The following NSD1 variants were observed in gnomAD, a reference collection of about 807,000 sequenced individuals.
NSD1 encodes the protein nuclear receptor binding SET domain protein 1.
A neutral mutation model predicts 242.7 loss-of-function variants in NSD1; 26 were observed. The observed-to-expected ratio is 0.11, with a 90% CI of 0.08 to 0.15. The LOEUF (loss-of-function observed/expected upper bound fraction) is 0.15. NSD1 is among the 10% of genes least tolerant of loss of function. The pLI, the probability that NSD1 is intolerant of heterozygous loss-of-function variation, is 1.00. For missense variants in NSD1, 2,495 were observed against 3,272.8 expected (o/e 0.76, Z 5.80); for synonymous variants, 1,106 against 1,178.1 (o/e 0.94, Z 1.25).
Position 177,135,919 on chromosome 5 carries a change from C to T in NSD1, c.816C>T (p.Asn272=), listed in dbSNP as rs144524958. 1 of 1,613,102 alleles carries T rather than the reference C, an allele frequency of 6.2e-7. No homozygotes were observed. Residue 272 remains asparagine, a synonymous_variant, in exon 2 of 23, where the codon AAC becomes AAT. Transcript: ENST00000439151. ...ACATTACAATAGAAGAGCAATTAAA[C>T]TCAATAAATTTATCTTTTCAGGATG... The part of the protein sequence containing the change: ...DTNITIEEQL[N]SINLSFQDDP...
intron 2 of NSD1, among the ~76,000 whole-genome samples, chr5:177,147,025 T>C (rs1266960535): frequency 1.3e-5 from 2 of 149,284 alleles, no homozygotes; most frequent in African/African-American, 4.9e-5. Context: ...AAAAAAAAGT[T>C]GCTAAACATT....
Position 177,210,922 on chromosome 5 carries a change from T to C in NSD1, c.2523T>C (p.Asn841=). ...TGGATGGTCTAAAACTACTGAACAA[T>C]ATGCATGAGAAAACCAGGGATTCAA... ...GKVDGLKLLN[N]MHEKTRDSSD... is the part of the protein sequence containing the mutation. The change falls in exon 5 of 23, where the codon AAT becomes AAC. Residue 841 remains asparagine (N), a synonymous_variant. Transcript: ENST00000439151. 1 of 1,614,066 alleles carries C rather than the reference T, an allele frequency of 6.2e-7. No homozygotes were observed. Among genetic ancestry groups the C allele is most frequent in the Non-Finnish European group, 8.5e-7 (1 of 1,180,008 alleles).
chr5:177,211,747 A>C lies in NSD1; in HGVS notation c.3348A>C (p.Gln1116His). The change falls in exon 5 of 23, where the codon CAA becomes CAC. Residue 1116 changes from glutamine (Q) to histidine (H), a missense_variant. Coordinates refer to ENST00000439151, the MANE Select transcript of NSD1 (RefSeq NM_022455.5). The part of the protein sequence containing the change: ...SDVHFDSKVK[Q>H]SDPGKISEKG... ...TGCATTTCGATAGCAAGGTTAAGCA[A>C]TCTGATCCTGGTAAAATTTCTGAAA... The C allele has an allele frequency of 6.2e-7, 1 of 1,614,124 alleles. No individual in the cohort carries two copies. Among genetic ancestry groups the C allele is most frequent in the Non-Finnish European group, 8.5e-7 (1 of 1,180,014 alleles).
intron 14 of NSD1, chr5:177,266,205 A>T: frequency 1.0e-6 from 1 of 952,988 alleles, no homozygotes; most frequent in Non-Finnish European, 1.7e-6. Context: ...TAGCCCATCC[A>T]CTTGCTGATG....
chr5:177,249,198 G>A (rs1237712248), intron 11 of NSD1, among the ~76,000 whole-genome samples: 1 of 152,132 alleles, frequency 6.6e-6, no homozygotes, highest in African/African-American at 2.4e-5. Context: ...GTTAGGCAAT[G>A]CGCAGTGGCT....
At position 177,135,739 on chromosome 5, in the gene NSD1, C is replaced by T. The variant is rs1756262595; in HGVS notation, c.636C>T (p.Asp212=). The change falls in exon 2 of 23, where the codon GAC becomes GAT. Residue 212 remains aspartate (D), a synonymous_variant. Coordinates refer to ENST00000439151, the MANE Select transcript of NSD1 (RefSeq NM_022455.5). ...GVKVAMGSEQ[D]STPESRHGAV... is the part of the protein sequence containing the mutation. ...AAGTGGCCATGGGAAGTGAACAAGA[C>T]AGCACACCAGAGAGTAGACACGGTG... The T allele has an allele frequency of 6.2e-7, 1 of 1,614,034 alleles. No individual in the cohort carries two copies. The highest frequency in any genetic ancestry group is 1.7e-5 in the Admixed American group (1 of 59,990).
At position 177,135,802 on chromosome 5, in the gene NSD1, T is replaced by G; in HGVS notation, c.699T>G (p.Thr233=). The change falls in exon 2 of 23, where the codon ACT becomes ACG. Residue 233 remains threonine, a synonymous_variant. Coordinates refer to ENST00000439151, the MANE Select transcript of NSD1 (RefSeq NM_022455.5). ...CATTCTTGCCATTAGCTCCTCAGACTGAAACACAGAAAAATAAGCAAAGAA... is the reference window on the plus strand; with the variant it reads ...CATTCTTGCCATTAGCTCCTCAGACGGAAACACAGAAAAATAAGCAAAGAA... The part of the protein sequence containing the change: ...KSPFLPLAPQ[T]ETQKNKQRNE... 1 of 1,609,326 alleles carries G rather than the reference T, an allele frequency of 6.2e-7. No individual in the cohort carries two copies. Among genetic ancestry groups the G allele is most frequent in the Non-Finnish European group, 8.5e-7 (1 of 1,176,554 alleles).
chr5:177,257,191 T>A, intron 13 of NSD1, 40 bp downstream of exon 13: 5 of 1,416,360 alleles, frequency 3.5e-6, no homozygotes, highest in South Asian at 1.2e-5. Flanking sequence ...TTGTAAAACC[T>A]CAGTTTAATT....
At chr5:177,187,415 C>T (rs1182373990) in intron 2 of NSD1, among the ~76,000 whole-genome samples, 2 of 152,092 alleles carry the variant, frequency 1.3e-5, no homozygotes, top group Non-Finnish European at 2.9e-5. Flanking sequence ...TGTGACTTAA[C>T]CTTTTTGAGC....
chr5:177,280,629 A>G lies in NSD1; in HGVS notation c.5687A>G (p.Asn1896Ser). The G allele has an allele frequency of 1.2e-6, 2 of 1,614,226 alleles. No individual in the cohort carries two copies. The highest frequency in any genetic ancestry group is 2.2e-5 in the East Asian group (1 of 44,886). Reference sequence around the variant, plus strand: ...GACTTATCTGAAATACCCCGTTGCAACTGTAAAGCTACTGATGAGAACCCC... The same window carrying G: ...GACTTATCTGAAATACCCCGTTGCAGCTGTAAAGCTACTGATGAGAACCCC... ...TADLSEIPRC[N>S]CKATDENPCG... The change falls in exon 18 of 23, where the codon AAC becomes AGC. Residue 1896 changes from asparagine to serine, a missense_variant. Asn to Ser is a conservative substitution (Grantham distance 46, BLOSUM62 1). Around this residue, in one of 19 missense-constraint regions of NSD1, gnomAD observed 114 missense variants for 247.4 expected, o/e 0.46. Transcript: ENST00000439151.
In NSD1 at chr5:177,249,456, ATTAT is replaced by A. The variant is rs1158360681; in HGVS notation, c.4641+1155_4641+1158del. 1.3e-3 allele frequency among the ~76,000 whole-genome samples: 192 copies of A among 151,206 alleles called. 1 individual carries two copies. In the Middle Eastern group the frequency reaches 0.017, roughly 13 times the overall value. ...TTTCTTTTTTCTTTTTTATTAATTA[ATTAT>A]TTATTTATTTATTTATTTATTTTTG... is the stretch of plus-strand genomic sequence containing the variant. On this transcript the variant is annotated intron_variant, in intron 11 of 22. Coordinates refer to ENST00000439151, the MANE Select transcript of NSD1 (RefSeq NM_022455.5).
chr5:177,244,915 T>C (rs1010556202), intron 9 of NSD1, among the ~76,000 whole-genome samples: 4 of 152,204 alleles, frequency 2.6e-5, no homozygotes, highest in Admixed American at 1.3e-4. Flanking sequence ...ATAAGCTGCT[T>C]TCAAAATAAT....
intron 6 of NSD1, among the ~76,000 whole-genome samples, chr5:177,237,204 G>T (rs537324823): frequency 1.3e-5 from 2 of 152,176 alleles, no homozygotes; most frequent in East Asian, 3.9e-4. Context: ...AATTTTATTA[G>T]AGGTTACAAA....
rs1403785225 is a variant in NSD1, at chr5:177,210,324, C to T, written c.1925C>T (p.Ser642Phe). 6.2e-7 allele frequency: 1 copy of T among 1,613,994 alleles called. No individual in the cohort carries two copies. The highest frequency in any genetic ancestry group is 2.2e-5 in the East Asian group (1 of 44,874). Residue 642 changes from serine to phenylalanine, a missense_variant, in exon 5 of 23, where the codon TCT becomes TTT. Physicochemically the swap from Ser to Phe is radical, Grantham distance 155. This residue lies in a region of NSD1 where 515 missense variants were observed against 467.0 expected (regional missense o/e 1.10). Coordinates refer to ENST00000439151, the MANE Select transcript of NSD1 (RefSeq NM_022455.5). ...RSDSISICTT[S>F]DDGSSDLDPI... ...GATTCCATTAGTATCTGTACCACTTCTGATGATGGAAGCAGTGACCTGGAT... is the reference window on the plus strand; with the variant it reads ...GATTCCATTAGTATCTGTACCACTTTTGATGATGGAAGCAGTGACCTGGAT...
At position 177,211,834 on chromosome 5, in the gene NSD1, T is replaced by A; in HGVS notation, c.3435T>A (p.Asn1145Lys). The change falls in exon 5 of 23, where the codon AAT becomes AAA. Residue 1145 changes from asparagine to lysine, a missense_variant. Around this residue, in one of 19 missense-constraint regions of NSD1, gnomAD observed 426 missense variants for 411.4 expected, o/e 1.04. Transcript: ENST00000439151. ...TGGACTCTGTAATGAACAGTGAGAATGATGAACTCAATGGTGTAAATCAAG... is the reference window on the plus strand; with the variant it reads ...TGGACTCTGTAATGAACAGTGAGAAAGATGAACTCAATGGTGTAAATCAAG... ...PELDSVMNSE[N>K]DELNGVNQVV... 6.2e-7 allele frequency: 1 copy of A among 1,614,128 alleles called. No homozygotes were observed. Among genetic ancestry groups the A allele is most frequent in the Non-Finnish European group, 8.5e-7 (1 of 1,180,024 alleles).
At chr5:177,253,706 C>T (rs747290329) in intron 12 of NSD1, among the ~76,000 whole-genome samples, 1 of 152,058 alleles carries the variant, frequency 6.6e-6, no homozygotes, top group Non-Finnish European at 1.5e-5. Flanking sequence ...GATTCTGGCT[C>T]ACTTCAGCCT....
chr5:177,230,552 G>A lies in NSD1; in HGVS notation c.3797-5269G>A, dbSNP rs145916618. Among the ~76,000 whole-genome samples, 58 of 152,196 alleles carry A rather than the reference G, an allele frequency of 3.8e-4. No individual in the cohort carries two copies. The East Asian group carries it at 0.011, about 28-fold the overall frequency. On this transcript the variant is annotated intron_variant, in intron 5 of 22. Coordinates refer to ENST00000439151, the MANE Select transcript of NSD1 (RefSeq NM_022455.5). Reference sequence around the variant, plus strand: ...ATTATAAGAGGAAACGTGGCCAGGCGTGGTGGCTCAAGCCTATAATCCCAG... The same window carrying A: ...ATTATAAGAGGAAACGTGGCCAGGCATGGTGGCTCAAGCCTATAATCCCAG...
intron 2 of NSD1, among the ~76,000 whole-genome samples, chr5:177,159,390 C>G (rs930987767): frequency 4.0e-5 from 6 of 150,354 alleles, no homozygotes; most frequent in Admixed American, 2.0e-4. Context: ...TCAAGCGATT[C>G]CGGTGCCTCA....
rs778459398 is a variant in NSD1, at chr5:177,211,978, TGAC to T, written c.3580_3582del (p.Asp1194del). 3.7e-6 allele frequency: 6 copies of T among 1,612,302 alleles called. No homozygotes were observed. In the Admixed American group the frequency reaches 1.0e-4, roughly 27 times the overall value. ...GTGCCTTTAGGGTCTTACTTCCTAGTGACCCTGTGCAGGAGGGGCGGGATGAGT... is the reference window on the plus strand; with the variant it reads ...GTGCCTTTAGGGTCTTACTTCCTAGTCCTGTGCAGGAGGGGCGGGATGAGT... On this transcript the variant is annotated inframe_deletion, in exon 5 of 23. Coordinates refer to ENST00000439151, the MANE Select transcript of NSD1 (RefSeq NM_022455.5).
Sources: gnomAD v4.1 joint callset for allele counts (sites outside exome capture counted in the v4.1 genomes callset) on GRCh38, gnomAD v4.1.1 for gene constraint, gnomAD v4.1.1 regional missense constraint, MANE v1.5 for transcripts, NCBI Gene and HGNC (gene_info 2026-07-23, HGNC 2026-07-21) for gene names.